C5: variants seen among roughly 807,000 people sequenced by gnomAD.
C5 encodes complement C5.
C5 carries 140 observed loss-of-function variants against 218.8 expected under a neutral mutation model. The observed-to-expected ratio is 0.64, with a 90% CI of 0.56 to 0.74. The LOEUF is 0.74. C5 is among the 30% of genes least tolerant of loss of function. The pLI is 0.00. For missense variants in C5, 1,700 were observed against 1,969.6 expected (o/e 0.86, Z 2.59); for synonymous variants, 614 against 682.3 (o/e 0.90, Z 1.56).
At chr9:121,001,979 A>C (rs757548554) in intron 20 of C5, among the ~76,000 whole-genome samples, 1 of 151,860 alleles carries the variant, frequency 6.6e-6, no homozygotes, top group Non-Finnish European at 1.5e-5. Context: ...CTTTAATAGA[A>C]ACATGGTTCA....
rs946346141 is a variant in C5, at chr9:120,991,370, T to A, written c.2852-90A>T. 2.8e-5 allele frequency: 22 copies of A among 785,486 alleles called. 1 individual carries two copies. In the South Asian group the frequency reaches 3.2e-4, roughly 12 times the overall value. 48.7% of individuals were successfully genotyped at this position (785,486 alleles called of 1,614,324 possible). On this transcript the variant is annotated intron_variant, in intron 22 of 40. Coordinates refer to ENST00000223642, the MANE Select transcript of C5 (RefSeq NM_001735.3). Reference sequence around the variant, plus strand: ...TAATGTATCTACTTCCAAAGAATATTTCAAAATAAAAGACTTATAATTAGA... The same window carrying A: ...TAATGTATCTACTTCCAAAGAATATATCAAAATAAAAGACTTATAATTAGA...
At chr9:121,008,341 A>T in intron 18 of C5, 67 bp downstream of exon 18, 1 of 1,108,700 alleles carries the variant, frequency 9.0e-7, no homozygotes, top group Non-Finnish European at 1.4e-6. Flanking sequence ...GGTAGTTTCT[A>T]GATTTTTGGC....
chr9:121,034,512 A>C (rs1268559231), intron 5 of C5, among the ~76,000 whole-genome samples: 2 of 152,162 alleles, frequency 1.3e-5, no homozygotes, highest in Admixed American at 1.3e-4. Flanking sequence ...TAAACTGACA[A>C]TCTATTAGAT....
chr9:121,059,797 C>A, the C5 span, among the ~76,000 whole-genome samples: 345 of 152,358 alleles, frequency 2.3e-3, 3 homozygotes, highest in African/African-American at 7.9e-3. The surrounding 1 kb of genome is among the most constrained non-coding windows in gnomAD (Gnocchi z 4.1). Flanking sequence ...ACTCAGGAAG[C>A]CTATGGAGAA....
the C5 span, among the ~76,000 whole-genome samples, chr9:121,061,986 T>C: frequency 6.6e-6 from 1 of 152,246 alleles, no homozygotes; most frequent in Admixed American, 6.5e-5. Context: ...AAGGTACACA[T>C]AATAGTTCCC....
At chr9:121,039,395 T>G (rs1222360762) in intron 3 of C5, among the ~76,000 whole-genome samples, 1 of 152,078 alleles carries the variant, frequency 6.6e-6, no homozygotes, top group Admixed American at 6.5e-5. Context: ...TCCCAGCACT[T>G]TGGGAGGCCG....
rs1371209088 is a variant in C5 at position 120,960,353 on chromosome 9, A to G, written c.4589-16T>C. 1 of 1,575,284 alleles carries G rather than the reference A, an allele frequency of 6.3e-7. No homozygotes were observed. The highest frequency in any genetic ancestry group is 2.2e-5 in the East Asian group (1 of 44,660). ...CCACAATCAGCTGGATTTTGTGAAA[A>G]TTGGTAAAAATAAGGTTAATGGAAA... On this transcript the variant is annotated splice_polypyrimidine_tract_variant and intron_variant, in intron 37 of 40. Transcript: ENST00000223642.
chr9:120,955,120 A>C (rs886976262), intron 39 of C5, among the ~76,000 whole-genome samples: 6 of 152,180 alleles, frequency 3.9e-5, no homozygotes, highest in Admixed American at 3.3e-4. Flanking sequence ...CCTTATCCTC[A>C]AACTACAGTT....
chr9:120,967,991 G>T (rs2046881839), intron 33 of C5, among the ~76,000 whole-genome samples: 2 of 152,048 alleles, frequency 1.3e-5, no homozygotes, highest in Admixed American at 6.6e-5. Flanking sequence ...CCAAAGTGTT[G>T]GGATTACAGT....
At chr9:121,063,252 T>G in the C5 span, among the ~76,000 whole-genome samples, 2 of 151,824 alleles carry the variant, frequency 1.3e-5, no homozygotes, top group Admixed American at 6.6e-5. Flanking sequence ...TAATCTCAAT[T>G]GATCTATCTT....
At chr9:121,035,854 T>C (rs1366541317) in intron 4 of C5, among the ~76,000 whole-genome samples, 1 of 151,972 alleles carries the variant, frequency 6.6e-6, no homozygotes, top group African/African-American at 2.4e-5. Context: ...GGGATTACAA[T>C]TACAGGCATG....
chr9:121,026,219 A>G (rs1445334054), intron 8 of C5, among the ~76,000 whole-genome samples: 2 of 152,206 alleles, frequency 1.3e-5, no homozygotes. Context: ...GATGCAAACC[A>G]AATGAATACG....
chr9:121,051,430 T>C (rs1304242312), upstream of C5, among the ~76,000 whole-genome samples: 1 of 152,048 alleles, frequency 6.6e-6, no homozygotes, highest in Non-Finnish European at 1.5e-5. Flanking sequence ...GGCTGATTTT[T>C]AATTAAGTTA....
Position 121,025,510 on chromosome 9 carries a change from A to C in C5, c.944T>G (p.Leu315Ter). 1 of 1,612,894 alleles carries C rather than the reference A, an allele frequency of 6.2e-7. No individual in the cohort carries two copies. Among genetic ancestry groups the C allele is most frequent in the Non-Finnish European group, 8.5e-7 (1 of 1,179,562 alleles). ...AAGGTACTTGTTGTTTAAATCTTCTAAACTGTAGTATGACAGTTCTTTGAC... is the reference window on the plus strand; with the variant it reads ...AAGGTACTTGTTGTTTAAATCTTCTCAACTGTAGTATGACAGTTCTTTGAC... ...TAVKELSYYS[L>*]EDLNNKYLYI... Residue 315 changes from leucine (L) to a stop codon, truncating the protein, a stop_gained, in exon 9 of 41, where the codon TTA (leucine) becomes TGA (stop). Coordinates refer to ENST00000223642, the MANE Select transcript of C5 (RefSeq NM_001735.3). LOFTEE classifies it high-confidence loss of function.
In C5 at chr9:121,025,173, C is replaced by T. The variant is rs559345532; in HGVS notation, c.1000+281G>A. Among the ~76,000 whole-genome samples, 5 of 152,296 alleles carry T rather than the reference C, an allele frequency of 3.3e-5. No homozygotes were observed. In the South Asian group the frequency reaches 1.0e-3, roughly 32 times the overall value. ...TGGTCAAGGCAGAGAGCCTGCAGAACTACTTTGGACATGAATTGGGTACTG... is the reference window on the plus strand; with the variant it reads ...TGGTCAAGGCAGAGAGCCTGCAGAATTACTTTGGACATGAATTGGGTACTG... On this transcript the variant is annotated intron_variant, in intron 9 of 40. Transcript: ENST00000223642.
chr9:120,962,581 T>C (rs2046835032), intron 36 of C5, 90 bp downstream of exon 36: 1 of 1,019,972 alleles, frequency 9.8e-7, no homozygotes, highest in Non-Finnish European at 1.6e-6. Flanking sequence ...AGGCAATACA[T>C]AAAATTTACA....
the C5 span, among the ~76,000 whole-genome samples, chr9:121,061,498 A>G: frequency 6.6e-6 from 1 of 152,204 alleles, no homozygotes; most frequent in Admixed American, 6.5e-5. Context: ...CAGTGAGCCA[A>G]GATCATACCA....
chr9:121,036,672 T>C (rs1464584375), intron 4 of C5, among the ~76,000 whole-genome samples: 1 of 152,166 alleles, frequency 6.6e-6, no homozygotes, highest in African/African-American at 2.4e-5. Flanking sequence ...ATTCCTTTCA[T>C]TAACACCCAA....
At chr9:121,028,597 GA>G (rs1235848282) in intron 7 of C5, among the ~76,000 whole-genome samples, 1 of 152,098 alleles carries the variant, frequency 6.6e-6, no homozygotes, top group Non-Finnish European at 1.5e-5. Flanking sequence ...CACAAGGACA[GA>G]AAACCAAATG....
Sources: gnomAD v4.1 joint callset for allele counts (sites outside exome capture counted in the v4.1 genomes callset) on GRCh38, gnomAD v4.1.1 for gene constraint, Gnocchi (gnomAD v3.1) non-coding constraint, MANE v1.5 for transcripts, NCBI Gene and HGNC (gene_info 2026-07-23, HGNC 2026-07-21) for gene names.